The following STRN variants were observed in gnomAD, a reference collection of about 807,000 sequenced individuals.
STRN encodes protein phosphatase 2 regulatory subunit B'''alpha.
In STRN, 53 loss-of-function variants were observed where a neutral mutation model predicts 96.3. That is an observed-to-expected ratio of 0.55 (90% CI 0.44 to 0.69). The LOEUF is 0.69. STRN is among the 30% of genes least tolerant of loss of function. The pLI, the probability that STRN is intolerant of heterozygous loss-of-function variation, is 0.00. For missense variants in STRN, 987 were observed against 963.9 expected (o/e 1.02, Z -0.32); for synonymous variants, 428 against 355.9 (o/e 1.20, Z -2.28).
At chr2:36,874,852 T>C (rs1668861188) in intron 10 of STRN, among the ~76,000 whole-genome samples, 1 of 151,560 alleles carries the variant, frequency 6.6e-6, no homozygotes, top group Non-Finnish European at 1.5e-5. Context: ...AGACCTTCAC[T>C]AAAGAGAAAT....
rs773012697 is a variant in STRN, at chr2:36,878,028, C to G, written c.1187-1G>C. ...GAAGGAGGAAATGTCAATGCTTCCA[C>G]TGAAGAGGGAAGACAAAGGAAACAT... On this transcript the variant is annotated splice_acceptor_variant, in intron 9 of 17. Transcript: ENST00000263918. LOFTEE classifies it high-confidence loss of function. The G allele has an allele frequency of 6.2e-7, 1 of 1,613,840 alleles. No homozygotes were observed. The highest frequency in any genetic ancestry group is 1.1e-5 in the South Asian group (1 of 91,026).
intron 1 of STRN, among the ~76,000 whole-genome samples, chr2:36,950,097 T>A (rs1360908496): frequency 6.6e-6 from 1 of 151,842 alleles, no homozygotes; most frequent in East Asian, 1.9e-4. Context: ...AATGTGGTCG[T>A]TCAGAGAAAT....
chr2:36,921,795 C>T (rs573508068), intron 2 of STRN, among the ~76,000 whole-genome samples: 2 of 152,234 alleles, frequency 1.3e-5, no homozygotes, highest in East Asian at 3.9e-4. Flanking sequence ...TCTTTCCAGT[C>T]CACCCCCACA....
chr2:36,844,422 A>G lies in STRN; in HGVS notation c.*5034T>C, dbSNP rs1431550394. 1 of 152,192 alleles carries G rather than the reference A, an allele frequency of 6.6e-6. No individual in the cohort carries two copies. The highest frequency in any genetic ancestry group is 1.9e-4 in the East Asian group (1 of 5,206). The allele number at this position is 152,192 out of a possible 1,614,324, so 9.4% of individuals were successfully genotyped here. A position where few individuals can be genotyped will look rare whatever the true frequency, so the allele number is the denominator to read the frequency against. On this transcript the variant is annotated 3_prime_UTR_variant, in exon 18 of 18. Coordinates refer to ENST00000263918, the MANE Select transcript of STRN (RefSeq NM_003162.4). ...CTAACTAACACCCACCCAGGGGGGA[A>G]AAATCATTCTACATTAACAAGGCAC...
At position 36,840,173 on chromosome 2, in the gene STRN, G is replaced by C. The variant is rs1218396243; in HGVS notation, c.*9283C>G. 1 of 152,286 alleles carries C rather than the reference G, an allele frequency of 6.6e-6. No individual in the cohort carries two copies. Among genetic ancestry groups the C allele is most frequent in the African/African-American group, 2.4e-5 (1 of 41,454 alleles). 9.4% of individuals were successfully genotyped at this position (152,286 alleles called of 1,614,324 possible). ...GCCATCTGTAGGTTGCAAGGAAAGA[G>C]TGTGGAAGTGGACCTGTTCTGAGCC... On this transcript the variant is annotated 3_prime_UTR_variant, in exon 18 of 18. Transcript: ENST00000263918.
intron 1 of STRN, among the ~76,000 whole-genome samples, chr2:36,943,881 C>A (rs1670912043): frequency 6.6e-6 from 1 of 152,160 alleles, no homozygotes; most frequent in Non-Finnish European, 1.5e-5. Flanking sequence ...CTTTAAGAGG[C>A]AGAGGTGGGT....
intron 1 of STRN, among the ~76,000 whole-genome samples, chr2:36,926,000 A>T (rs1354287652): frequency 6.6e-6 from 1 of 152,088 alleles, no homozygotes; most frequent in Non-Finnish European, 1.5e-5. Context: ...CAAACAATAA[A>T]TTGCTCCCTT....
At chr2:36,946,488 T>C (rs867167479) in intron 1 of STRN, among the ~76,000 whole-genome samples, 1 of 152,206 alleles carries the variant, frequency 6.6e-6, no homozygotes, top group African/African-American at 2.4e-5. Context: ...TTAAGAAAAA[T>C]CTTGTTTGAG....
rs143554800 is a variant in STRN, at chr2:36,875,687, C to T, written c.1323+2204G>A. Among the ~76,000 whole-genome samples the T allele has an allele frequency of 5.2e-3, 759 of 144,802 alleles. 6 individuals carry two copies. The highest frequency in any genetic ancestry group is 0.018 in the African/African-American group (701 of 38,970). 95.0% of individuals were successfully genotyped at this position (144,802 alleles called of 152,430 possible). A position where few individuals can be genotyped will look rare whatever the true frequency, so the allele number is the denominator to read the frequency against. The stretch of plus-strand genomic sequence containing the variant: ...TTTTTTTTTTTTTGAGAGGGAGTCT[C>T]GCTCTATCGCCCGCGCTGGAGTGCG... On this transcript the variant is annotated intron_variant, in intron 10 of 17. Transcript: ENST00000263918.
At chr2:36,869,504 G>A in intron 11 of STRN, 50 bp downstream of exon 11, 1 of 1,368,862 alleles carries the variant, frequency 7.3e-7, no homozygotes, top group Non-Finnish European at 9.6e-7. Flanking sequence ...GTTTTCTGCT[G>A]AAAATGTTAC....
chr2:36,952,791 A>G (rs1664791407), intron 1 of STRN, among the ~76,000 whole-genome samples: 1 of 152,236 alleles, frequency 6.6e-6, no homozygotes, highest in Non-Finnish European at 1.5e-5. Flanking sequence ...CTACTTTTCA[A>G]GTTCAGCAAG....
Position 36,849,414 on chromosome 2 carries a change from GATTACTT to G in STRN, c.*35_*41del. On this transcript the variant is annotated 3_prime_UTR_variant, in exon 18 of 18. Transcript: ENST00000263918. ...TCTTCTGTATCTCTTGTGTGCAGTT[GATTACTT>G]ATAAACAGCTAGAAGGTGAAGATGA... 6.2e-7 allele frequency: 1 copy of G among 1,604,506 alleles called. No homozygotes were observed. The highest frequency in any genetic ancestry group is 8.5e-7 in the Non-Finnish European group (1 of 1,174,096).
chr2:36,851,128 A>G (rs771265947), intron 15 of STRN, 21 bp from the exon 16 acceptor site: 1 of 1,566,612 alleles, frequency 6.4e-7, no homozygotes, highest in South Asian at 1.1e-5. Flanking sequence ...AAAATTAAAA[A>G]GCAACACAAC....
intron 15 of STRN, among the ~76,000 whole-genome samples, chr2:36,853,778 C>T (rs748974622): frequency 6.6e-6 from 1 of 152,078 alleles, no homozygotes; most frequent in Non-Finnish European, 1.5e-5. Context: ...CAGAACAACA[C>T]AATCAATTAT....
intron 1 of STRN, among the ~76,000 whole-genome samples, chr2:36,959,741 G>A (rs1664982715): frequency 6.6e-6 from 1 of 152,104 alleles, no homozygotes; most frequent in Admixed American, 6.6e-5. Flanking sequence ...TAAAAGTGTT[G>A]AAATCACCAA....
At chr2:36,884,685 A>G (rs1669165111) in intron 8 of STRN, among the ~76,000 whole-genome samples, 1 of 152,202 alleles carries the variant, frequency 6.6e-6, no homozygotes, top group Non-Finnish European at 1.5e-5. Context: ...CAAAGAATAC[A>G]ACTATTTTTA....
chr2:36,924,292 C>G (rs946007487), intron 2 of STRN, among the ~76,000 whole-genome samples: 36 of 143,838 alleles, frequency 2.5e-4, no homozygotes, highest in African/African-American at 9.2e-4. Flanking sequence ...GGAGGTGGAG[C>G]TTGCAGTGAG....
At position 36,844,885 on chromosome 2, in the gene STRN, T is replaced by C. The variant is rs1668031265; in HGVS notation, c.*4571A>G. ...AGATACGTTTTTCTGGGCCTTTCTC[T>C]AAAATGAACTTTAGGGCTTGATACA... is the stretch of plus-strand genomic sequence containing the variant. On this transcript the variant is annotated 3_prime_UTR_variant, in exon 18 of 18. Coordinates refer to ENST00000263918, the MANE Select transcript of STRN (RefSeq NM_003162.4). The C allele has an allele frequency of 6.6e-6, 1 of 152,146 alleles. No individual in the cohort carries two copies. The highest frequency in any genetic ancestry group is 2.4e-5 in the African/African-American group (1 of 41,428). The allele number at this position is 152,146 out of a possible 1,614,324, so 9.4% of individuals were successfully genotyped here.
intron 13 of STRN, among the ~76,000 whole-genome samples, chr2:36,858,768 T>C (rs757114747): frequency 1.1e-4 from 16 of 152,244 alleles, no homozygotes; most frequent in Non-Finnish European, 1.9e-4. Flanking sequence ...CATAAAATAT[T>C]GAAGACACAC....
Sources: allele counts gnomAD v4.1 joint callset (sites outside exome capture counted in the v4.1 genomes callset), GRCh38; gene constraint gnomAD v4.1.1; transcripts MANE v1.5; gene names NCBI Gene and HGNC (gene_info 2026-07-23, HGNC 2026-07-21).